ZNF385D: variants seen among roughly 807,000 people sequenced by gnomAD.
ZNF385D encodes zinc finger protein 659.
ZNF385D carries 15 observed loss-of-function variants against 35.8 expected under a neutral mutation model. The ratio of observed to expected loss-of-function variants is 0.42; its 90% CI spans 0.28 to 0.64. The LOEUF (loss-of-function observed/expected upper bound fraction) is 0.64. Among genes scored for constraint, ZNF385D ranks in the 30% least tolerant of loss-of-function variants. The probability of loss-of-function intolerance (pLI) is 0.23; values close to 1 mark genes in which losing one functional copy is unlikely to be tolerated. For synonymous variants in ZNF385D, 212 were observed against 186.8 expected, an observed-to-expected ratio of 1.13 and a Z score of -1.10; for missense variants, 474 against 494.6, an observed-to-expected ratio of 0.96 and a Z score of 0.39.
At chr3:21,789,763 A>G (rs1282465143) in intron 3 of ZNF385D, among the ~76,000 whole-genome samples, 3 of 152,192 alleles carry the variant, frequency 2.0e-5, no homozygotes, top group Non-Finnish European at 2.9e-5. Flanking sequence ...AAGATGTAAA[A>G]TGCTTAAAAT....
At chr3:22,059,681 C>G (rs536988067) in intron 3 of ZNF385D, among the ~76,000 whole-genome samples, 107 of 152,118 alleles carry the variant, frequency 7.0e-4, no homozygotes, top group African/African-American at 2.4e-3. Flanking sequence ...CTTTGAAGAC[C>G]CCATATAAGT....
intron 2 of ZNF385D, among the ~76,000 whole-genome samples, chr3:22,329,811 A>G (rs1226815601): frequency 6.6e-6 from 1 of 152,196 alleles, no homozygotes. Flanking sequence ...ATATATACAC[A>G]ATATTACTTT....
In ZNF385D at chr3:22,103,201, T is replaced by C. The variant is rs555528913; in HGVS notation, c.325+65616A>G. 4.5e-4 allele frequency among the ~76,000 whole-genome samples: 52 copies of C among 115,962 alleles called. 1 individual carries two copies. In the South Asian group the frequency reaches 0.015, roughly 33 times the overall value. The allele number at this position is 115,962 out of a possible 152,430, so 76.1% of individuals were successfully genotyped here. A position where few individuals can be genotyped will look rare whatever the true frequency, so the allele number is the denominator to read the frequency against. On this transcript the variant is annotated intron_variant, in intron 3 of 5. Coordinates refer to the ZNF385D transcript ENST00000494108. ...TGATCACTGCGAAAGGACTCATTAC[T>C]AGCCCTGGGGCCATTTTTTTTTTTT...
chr3:21,830,656 G>C (rs930663653), intron 3 of ZNF385D, among the ~76,000 whole-genome samples: 6 of 152,144 alleles, frequency 3.9e-5, no homozygotes, highest in Non-Finnish European at 5.9e-5. Context: ...CTTCCTCACA[G>C]TATCTTTATT....
At chr3:21,980,960 T>A (rs1280233913) in intron 3 of ZNF385D, among the ~76,000 whole-genome samples, 1 of 152,200 alleles carries the variant, frequency 6.6e-6, no homozygotes, top group East Asian at 1.9e-4. Context: ...CTTTATCCAA[T>A]CTGTCTTTAG....
chr3:22,353,980 T>A (rs150439811), intron 2 of ZNF385D, among the ~76,000 whole-genome samples: 2 of 152,214 alleles, frequency 1.3e-5, no homozygotes, highest in East Asian at 3.9e-4. Flanking sequence ...GCAATCATTC[T>A]AATCACAAAC....
intron 2 of ZNF385D, among the ~76,000 whole-genome samples, chr3:21,610,032 C>G (rs888255815): frequency 3.3e-5 from 5 of 152,078 alleles, no homozygotes; most frequent in African/African-American, 9.6e-5. Flanking sequence ...AGCAAAACAG[C>G]GTGTTTAATA....
At chr3:21,865,045 C>CTTTTTTTTTTT (rs3073907) in intron 3 of ZNF385D, among the ~76,000 whole-genome samples, 2 of 21,198 alleles carry the variant, frequency 9.4e-5, no homozygotes, top group Admixed American at 8.4e-4. Context: ...ACAGGGAAGA[C>CTTTTTTTTTTT]TTTTTTTTTT....
At chr3:21,745,357 AT>A (rs2069717844) in intron 1 of ZNF385D, among the ~76,000 whole-genome samples, 1 of 152,232 alleles carries the variant, frequency 6.6e-6, no homozygotes, top group Admixed American at 6.5e-5. Context: ...GTTCATATGC[AT>A]TTGAGGTTTT....
chr3:22,029,956 T>C (rs1697829720), intron 3 of ZNF385D, among the ~76,000 whole-genome samples: 1 of 151,932 alleles, frequency 6.6e-6, no homozygotes, highest in South Asian at 2.1e-4. Flanking sequence ...AGGGTGTTGC[T>C]GAAGGAGATT....
At chr3:22,304,648 A>T (rs1703105622) in intron 2 of ZNF385D, among the ~76,000 whole-genome samples, 1 of 152,180 alleles carries the variant, frequency 6.6e-6, no homozygotes, top group Non-Finnish European at 1.5e-5. Flanking sequence ...AATGATTACC[A>T]TATAATGAGG....
At chr3:22,085,390 C>G (rs765789642) in intron 3 of ZNF385D, among the ~76,000 whole-genome samples, 11 of 151,936 alleles carry the variant, frequency 7.2e-5, no homozygotes, top group Non-Finnish European at 1.3e-4. Flanking sequence ...CTGATAAAGG[C>G]GATATCACCA....
chr3:22,367,957 A>T (rs1273334938), intron 2 of ZNF385D, among the ~76,000 whole-genome samples: 1 of 152,244 alleles, frequency 6.6e-6, no homozygotes, highest in Non-Finnish European at 1.5e-5. Flanking sequence ...TGACGAATCA[A>T]GGCGCATCAA....
intron 2 of ZNF385D, among the ~76,000 whole-genome samples, chr3:22,183,281 T>G (rs1009553751): frequency 6.6e-6 from 1 of 152,218 alleles, no homozygotes; most frequent in East Asian, 1.9e-4. Flanking sequence ...AAAAATTATC[T>G]TAAAGGTAAC....
At chr3:21,783,024 C>A (rs1224985275) in intron 3 of ZNF385D, among the ~76,000 whole-genome samples, 2 of 152,080 alleles carry the variant, frequency 1.3e-5, no homozygotes, top group Admixed American at 1.3e-4. Flanking sequence ...ATAGCCCTGA[C>A]CCTTACCCTG....
intron 2 of ZNF385D, among the ~76,000 whole-genome samples, chr3:21,625,838 TC>T (rs1252395932): frequency 6.6e-6 from 1 of 152,140 alleles, no homozygotes; most frequent in Non-Finnish European, 1.5e-5. Flanking sequence ...AATACTTTTA[TC>T]ATCACAGAAA....
chr3:22,292,265 T>C (rs1010995381), intron 2 of ZNF385D, among the ~76,000 whole-genome samples: 3 of 152,212 alleles, frequency 2.0e-5, no homozygotes, highest in African/African-American at 7.2e-5. Flanking sequence ...AACATACATG[T>C]AAAATGTTTT....
chr3:21,815,354 T>C (rs535246112), intron 3 of ZNF385D, among the ~76,000 whole-genome samples: 4 of 152,090 alleles, frequency 2.6e-5, no homozygotes, highest in African/African-American at 9.6e-5. Flanking sequence ...CTGAAGGAGA[T>C]AGAGACACAA....
At chr3:22,354,826 G>T (rs940930415) in intron 2 of ZNF385D, among the ~76,000 whole-genome samples, 1 of 151,976 alleles carries the variant, frequency 6.6e-6, no homozygotes. Context: ...TTAATATGGT[G>T]TTGCGGTTAT....
Sources: allele counts gnomAD v4.1 joint callset (sites outside exome capture counted in the v4.1 genomes callset), GRCh38; gene constraint gnomAD v4.1.1; transcripts MANE v1.5; gene names NCBI Gene and HGNC (gene_info 2026-07-23, HGNC 2026-07-21).